TUSC3: variants seen among roughly 807,000 people sequenced by gnomAD.
The protein encoded by TUSC3 is tumor suppressor candidate 3, also known as dolichyl-diphosphooligosaccharide--protein glycosyltransferase subunit TUSC3.
In TUSC3, 45 loss-of-function variants were observed where a neutral mutation model predicts 44.8. The ratio of observed to expected loss-of-function variants is 1.00; its 90% CI spans 0.79 to 1.29. The LOEUF is 1.29. TUSC3 is among the 50% of genes most tolerant of loss of function. TUSC3 has a pLI of 0.00. For synonymous variants in TUSC3, 212 were observed against 152.9 expected, an observed-to-expected ratio of 1.39 and a Z score of -2.85; for missense variants, 519 against 437.9, an observed-to-expected ratio of 1.19 and a Z score of -1.65.
chr8:15,714,201 G>T (rs1468561455), intron 6 of TUSC3, among the ~76,000 whole-genome samples: 1 of 152,110 alleles, frequency 6.6e-6, no homozygotes, highest in Non-Finnish European at 1.5e-5. Context: ...GGAATATGAG[G>T]ATAGAATTTT....
At chr8:15,524,929 C>G (rs1801353934) in intron 2 of TUSC3, among the ~76,000 whole-genome samples, 1 of 152,212 alleles carries the variant, frequency 6.6e-6, no homozygotes, top group Non-Finnish European at 1.5e-5. Context: ...ACACAGTTAA[C>G]TAAATTTTAG....
the TUSC3 span, among the ~76,000 whole-genome samples, chr8:15,842,165 A>G: frequency 6.6e-6 from 1 of 152,164 alleles, no homozygotes; most frequent in Non-Finnish European, 1.5e-5. Flanking sequence ...GGATACATCA[A>G]TGAACAAAAC....
chr8:15,667,313 T>A (rs1489929944), intron 5 of TUSC3, among the ~76,000 whole-genome samples: 1 of 151,546 alleles, frequency 6.6e-6, no homozygotes, highest in African/African-American at 2.4e-5. Flanking sequence ...ATAGATTGAG[T>A]ATAAATGAAA....
intron 9 of TUSC3, among the ~76,000 whole-genome samples, chr8:15,749,239 G>C (rs1175890082): frequency 6.6e-6 from 1 of 152,072 alleles, no homozygotes; most frequent in Admixed American, 6.6e-5. Context: ...TTAGGTAGTA[G>C]AACCAGTGAT....
At chr8:15,484,395 T>C (rs1800708644) in intron 2 of TUSC3, among the ~76,000 whole-genome samples, 1 of 152,244 alleles carries the variant, frequency 6.6e-6, no homozygotes, top group African/African-American at 2.4e-5. Context: ...CTCATTTCGA[T>C]TTATGGTTAT....
At chr8:15,747,106 C>T (rs967983083) in intron 8 of TUSC3, among the ~76,000 whole-genome samples, 7 of 151,924 alleles carry the variant, frequency 4.6e-5, no homozygotes, top group Non-Finnish European at 1.0e-4. Flanking sequence ...TGTAGAGTTG[C>T]ATAAAAATTG....
intron 1 of TUSC3, among the ~76,000 whole-genome samples, chr8:15,452,081 C>T (rs1368206904): frequency 1.3e-5 from 2 of 152,184 alleles, no homozygotes; most frequent in South Asian, 2.1e-4. Flanking sequence ...CCAACTCCTT[C>T]ATGTGACTCT....
intron 5 of TUSC3, among the ~76,000 whole-genome samples, chr8:15,669,295 C>T (rs540141321): frequency 6.6e-6 from 1 of 151,854 alleles, no homozygotes; most frequent in South Asian, 2.1e-4. Flanking sequence ...ACTTTCATTC[C>T]ATGATGACTA....
chr8:15,605,931 T>G (rs1380951449), intron 1 of TUSC3, among the ~76,000 whole-genome samples: 3 of 152,038 alleles, frequency 2.0e-5, no homozygotes, highest in Admixed American at 6.6e-5. Flanking sequence ...TTAAAATGCC[T>G]TATGACACTG....
At chr8:15,657,482 G>A (rs1388733055) in intron 3 of TUSC3, among the ~76,000 whole-genome samples, 1 of 152,024 alleles carries the variant, frequency 6.6e-6, no homozygotes, top group Non-Finnish European at 1.5e-5. Context: ...TTTTTTTCCA[G>A]ATTTCAATAC....
intron 1 of TUSC3, among the ~76,000 whole-genome samples, chr8:15,581,618 G>T (rs1376634497): frequency 6.7e-6 from 1 of 149,872 alleles, no homozygotes; most frequent in African/African-American, 2.5e-5. Context: ...GTGCCTCCCA[G>T]TTAGGCTGCT....
intron 1 of TUSC3, among the ~76,000 whole-genome samples, chr8:15,589,472 G>C (rs1177971398): frequency 6.6e-6 from 1 of 152,090 alleles, no homozygotes; most frequent in Non-Finnish European, 1.5e-5. Context: ...GTTTTAGGAA[G>C]GAAAAGTATA....
At chr8:15,440,829 A>G (rs938401555) in intron 1 of TUSC3, among the ~76,000 whole-genome samples, 1 of 152,180 alleles carries the variant, frequency 6.6e-6, no homozygotes, top group African/African-American at 2.4e-5. Context: ...GGATGTTAAT[A>G]CATACCAGCT....
chr8:15,568,913 C>T (rs149488126), intron 1 of TUSC3, among the ~76,000 whole-genome samples: 5 of 151,658 alleles, frequency 3.3e-5, no homozygotes, highest in African/African-American at 9.7e-5. Flanking sequence ...TAAGCTTTAA[C>T]CTCATGGTTT....
At chr8:15,669,241 G>A (rs1563163602) in intron 5 of TUSC3, among the ~76,000 whole-genome samples, 1 of 151,736 alleles carries the variant, frequency 6.6e-6, no homozygotes, top group Non-Finnish European at 1.5e-5. Context: ...ACTCCAGTAT[G>A]GATTGAATCC....
the TUSC3 span, among the ~76,000 whole-genome samples, chr8:15,848,125 T>A: frequency 6.6e-6 from 1 of 152,048 alleles, no homozygotes; most frequent in African/African-American, 2.4e-5. Flanking sequence ...GTCCCCCTCC[T>A]TCCCCCCGAG....
chr8:15,638,227 C>T (rs1806181460), intron 2 of TUSC3, among the ~76,000 whole-genome samples: 1 of 152,034 alleles, frequency 6.6e-6, no homozygotes. Context: ...GTACAGTCTC[C>T]ACCTTCCTGT....
At chr8:15,781,075 G>A in the TUSC3 span, among the ~76,000 whole-genome samples, 3 of 152,174 alleles carry the variant, frequency 2.0e-5, no homozygotes, top group African/African-American at 7.2e-5. Context: ...AGCAGCCTGA[G>A]CAGGAGCTTA....
At chr8:15,496,725 G>A (rs573414136) in intron 2 of TUSC3, among the ~76,000 whole-genome samples, 1 of 152,132 alleles carries the variant, frequency 6.6e-6, no homozygotes, top group Non-Finnish European at 1.5e-5. Flanking sequence ...AAGCAAAGGA[G>A]TGTGGGTCAT....
Sources: allele counts gnomAD v4.1 joint callset (sites outside exome capture counted in the v4.1 genomes callset), GRCh38; gene constraint gnomAD v4.1.1; transcripts MANE v1.5; gene names NCBI Gene and HGNC (gene_info 2026-07-23, HGNC 2026-07-21).